SYNJ2BP: variants seen among roughly 807,000 people sequenced by gnomAD.
SYNJ2BP encodes synaptojanin-2-binding protein.
SYNJ2BP carries 10 observed loss-of-function variants against 16.9 expected under a neutral mutation model. That is an observed-to-expected ratio of 0.59 (90% confidence interval 0.36 to 1.00). The LOEUF is 1.00. Among genes scored for constraint, SYNJ2BP ranks in the 50% least tolerant of loss-of-function variants. The probability of loss-of-function intolerance (pLI) is 0.01; values close to 1 mark genes in which losing one functional copy is unlikely to be tolerated. For missense variants in SYNJ2BP, 162 were observed against 186.7 expected, an observed-to-expected ratio of 0.87 and a Z score of 0.77; for synonymous variants, 54 against 68.4, an observed-to-expected ratio of 0.79 and a Z score of 1.04.
rs1887510943 is a variant in SYNJ2BP, at chr14:70,371,175, T to C, written c.*1816A>G. On this transcript the variant is annotated 3_prime_UTR_variant, in exon 4 of 4. Coordinates refer to ENST00000256366, the MANE Select transcript of SYNJ2BP (RefSeq NM_018373.3). Reference sequence around the variant, plus strand: ...TTTTCTTAAAGCCAGAAAATTCAGCTACCCATAGTGCTTAAAACCAGCCTT... The same window carrying C: ...TTTTCTTAAAGCCAGAAAATTCAGCCACCCATAGTGCTTAAAACCAGCCTT... 1 of 152,190 alleles carries C rather than the reference T, an allele frequency of 6.6e-6. No individual in the cohort carries two copies. The highest frequency in any genetic ancestry group is 2.4e-5 in the African/African-American group (1 of 41,446). The allele number at this position is 152,190 out of a possible 1,614,324, so 9.4% of individuals were successfully genotyped here. A position where few individuals can be genotyped will look rare whatever the true frequency, so the allele number is the denominator to read the frequency against.
chr14:70,385,808 G>A (rs1367401437), intron 2 of SYNJ2BP, among the ~76,000 whole-genome samples: 1 of 152,104 alleles, frequency 6.6e-6, no homozygotes, highest in Non-Finnish European at 1.5e-5. Flanking sequence ...GTATAACATA[G>A]TGGTTTAAAA....
rs561030605 is a variant in SYNJ2BP at position 70,389,572 on chromosome 14, G to A, written c.65-966C>T. Among the ~76,000 whole-genome samples, 40 of 152,086 alleles carry A rather than the reference G, an allele frequency of 2.6e-4. 1 individual carries two copies. The highest frequency in any genetic ancestry group is 2.6e-3 in the Admixed American group (39 of 15,282). Reference sequence around the variant, plus strand: ...ATCCAAAATGCTTAGGACCAAATGTGTTTTGAATTTTGAATTTGGGGGATT... The same window carrying A: ...ATCCAAAATGCTTAGGACCAAATGTATTTTGAATTTTGAATTTGGGGGATT... On this transcript the variant is annotated intron_variant, in intron 1 of 3. Coordinates refer to ENST00000256366, the MANE Select transcript of SYNJ2BP (RefSeq NM_018373.3).
chr14:70,400,018 C>G (rs1362774557), intron 1 of SYNJ2BP, among the ~76,000 whole-genome samples: 3 of 152,158 alleles, frequency 2.0e-5, no homozygotes, highest in Non-Finnish European at 2.9e-5. Context: ...GAAAAGTTTC[C>G]TTGACTCTGA....
At position 70,417,038 on chromosome 14, in the gene SYNJ2BP, C is replaced by A; in HGVS notation, c.-75G>T. The stretch of plus-strand genomic sequence containing the variant: ...AGGTGAAGGTGAATCAATCTCGGCG[C>A]TGCGCCCACAGCACAGCGGTTTCGG... On this transcript the variant is annotated 5_prime_UTR_variant, in exon 1 of 4. Transcript: ENST00000256366. The A allele has an allele frequency of 1.2e-6, 2 of 1,610,544 alleles. No individual in the cohort carries two copies. The highest frequency in any genetic ancestry group is 1.7e-6 in the Non-Finnish European group (2 of 1,178,140).
In SYNJ2BP at chr14:70,372,355, T is replaced by A. The variant is rs916614580; in HGVS notation, c.*636A>T. On this transcript the variant is annotated 3_prime_UTR_variant, in exon 4 of 4. Coordinates refer to ENST00000256366, the MANE Select transcript of SYNJ2BP (RefSeq NM_018373.3). The stretch of plus-strand genomic sequence containing the variant: ...TCCTACTACATTTGCTCTGTTTAAG[T>A]ATCTCTTTAAATTCTTCAGTTAAGA... 1 of 152,714 alleles carries A rather than the reference T, an allele frequency of 6.5e-6. No homozygotes were observed. Among genetic ancestry groups the A allele is most frequent in the Non-Finnish European group, 1.5e-5 (1 of 68,108 alleles). The allele number at this position is 152,714 out of a possible 1,614,324, so 9.5% of individuals were successfully genotyped here.
chr14:70,372,814 C>A lies in SYNJ2BP; in HGVS notation c.*177G>T, dbSNP rs1887544342. 1.1e-6 allele frequency: 1 copy of A among 927,562 alleles called. No individual in the cohort carries two copies. Among genetic ancestry groups the A allele is most frequent in the Non-Finnish European group, 1.6e-6 (1 of 630,908 alleles). 57.5% of individuals were successfully genotyped at this position (927,562 alleles called of 1,614,324 possible). ...TTCTTCAGTTTTCCTTCAAACAATACCTTTACTTTCCCATTAGAATATGAA... is the reference window on the plus strand; with the variant it reads ...TTCTTCAGTTTTCCTTCAAACAATAACTTTACTTTCCCATTAGAATATGAA... On this transcript the variant is annotated 3_prime_UTR_variant, in exon 4 of 4. Transcript: ENST00000256366.
intron 1 of SYNJ2BP, among the ~76,000 whole-genome samples, chr14:70,405,250 A>G (rs1888322370): frequency 6.6e-6 from 1 of 152,154 alleles, no homozygotes; most frequent in Admixed American, 6.5e-5. Flanking sequence ...CAGGTTGTAG[A>G]ATGTCTACGG....
intron 1 of SYNJ2BP, among the ~76,000 whole-genome samples, chr14:70,409,335 T>C (rs1888419014): frequency 6.6e-6 from 1 of 152,230 alleles, no homozygotes; most frequent in African/African-American, 2.4e-5. Flanking sequence ...ATAGTTTTAC[T>C]TTACTTTTCA....
At chr14:70,380,630 C>A (rs918645855) in intron 2 of SYNJ2BP, among the ~76,000 whole-genome samples, 1 of 150,074 alleles carries the variant, frequency 6.7e-6, no homozygotes, top group African/African-American at 2.5e-5. Flanking sequence ...CCACTGTACT[C>A]CAGCCTGGGC....
At chr14:70,380,825 T>G (rs1400068957) in intron 2 of SYNJ2BP, among the ~76,000 whole-genome samples, 2 of 152,138 alleles carry the variant, frequency 1.3e-5, no homozygotes, top group African/African-American at 2.4e-5. Context: ...ATATGACTGA[T>G]TTACTTCTTT....
chr14:70,399,877 G>T (rs190371506), intron 1 of SYNJ2BP, among the ~76,000 whole-genome samples: 36 of 152,248 alleles, frequency 2.4e-4, no homozygotes, highest in African/African-American at 8.7e-4. Flanking sequence ...CAGTAAAAGG[G>T]AGCCATCATC....
At chr14:70,412,715 C>T (rs79430479) in intron 1 of SYNJ2BP, among the ~76,000 whole-genome samples, 1,616 of 151,732 alleles carry the variant, frequency 0.011, 27 homozygotes, top group African/African-American at 0.036. Context: ...TTTCCAAGGC[C>T]TTTAAAGAAA....
intron 2 of SYNJ2BP, among the ~76,000 whole-genome samples, chr14:70,380,385 C>A (rs144087152): frequency 6.6e-6 from 1 of 151,912 alleles, no homozygotes; most frequent in Non-Finnish European, 1.5e-5. Flanking sequence ...GAGTTGAGGC[C>A]AGGCATGGTG....
intron 1 of SYNJ2BP, among the ~76,000 whole-genome samples, chr14:70,409,083 C>CTTTGT (rs1888413925): frequency 6.6e-6 from 1 of 152,000 alleles, no homozygotes; most frequent in Non-Finnish European, 1.5e-5. Context: ...TTTTGTTTTG[C>CTTTGT]TTTGTTTTGT....
chr14:70,401,615 A>C (rs1043781566), intron 1 of SYNJ2BP, among the ~76,000 whole-genome samples: 3 of 149,284 alleles, frequency 2.0e-5, no homozygotes, highest in Non-Finnish European at 4.4e-5. Context: ...TGCTGGCATA[A>C]TTTTTGCTGA....
chr14:70,413,658 A>G (rs1308887549), intron 1 of SYNJ2BP, among the ~76,000 whole-genome samples: 1 of 152,130 alleles, frequency 6.6e-6, no homozygotes, highest in Non-Finnish European at 1.5e-5. Context: ...GAACAAAAGA[A>G]AGTAATTGTA....
At chr14:70,401,878 T>C (rs1393323460) in intron 1 of SYNJ2BP, among the ~76,000 whole-genome samples, 5 of 152,112 alleles carry the variant, frequency 3.3e-5, no homozygotes, top group African/African-American at 1.2e-4. Context: ...CTCAAACTCC[T>C]AGCTCAAGTG....
intron 1 of SYNJ2BP, among the ~76,000 whole-genome samples, chr14:70,412,261 A>G (rs1283230839): frequency 6.6e-6 from 1 of 152,164 alleles, no homozygotes; most frequent in African/African-American, 2.4e-5. Flanking sequence ...TTGGCAGTCA[A>G]CTTCTTAAAC....
intron 2 of SYNJ2BP, among the ~76,000 whole-genome samples, chr14:70,385,506 G>T (rs1038871665): frequency 1.3e-5 from 2 of 151,778 alleles, no homozygotes; most frequent in South Asian, 2.1e-4. Context: ...CTACAGGCGC[G>T]TGCACCAAGG....
Sources: gnomAD v4.1 joint callset for allele counts (sites outside exome capture counted in the v4.1 genomes callset) on GRCh38, gnomAD v4.1.1 for gene constraint, MANE v1.5 for transcripts, NCBI Gene and HGNC (gene_info 2026-07-23, HGNC 2026-07-21) for gene names.